The following PTPRN2 variants were observed in gnomAD, a reference collection of about 807,000 sequenced individuals.
The protein encoded by PTPRN2 is receptor-type tyrosine-protein phosphatase N2.
Under a neutral mutation model 118.8 loss-of-function variants are expected in PTPRN2, and 74 were observed. That is an observed-to-expected ratio of 0.62 (90% confidence interval 0.52 to 0.76). The LOEUF (loss-of-function observed/expected upper bound fraction) is 0.76, where lower values mean the gene tolerates loss of function less well. PTPRN2 is among the 30% of genes least tolerant of loss of function. The pLI is 0.00. For synonymous variants in PTPRN2, 641 were observed against 608.0 expected (o/e 1.05, Z -0.80); for missense variants, 1,481 against 1,394.4 (o/e 1.06, Z -0.99).
chr7:158,149,395 A>T (rs1820673492), intron 6 of PTPRN2, among the ~76,000 whole-genome samples: 1 of 152,130 alleles, frequency 6.6e-6, no homozygotes, highest in Non-Finnish European at 1.5e-5. Flanking sequence ...TTCAGTATAA[A>T]CTCTTAAAAC....
chr7:158,223,628 A>G (rs561800268), intron 3 of PTPRN2, among the ~76,000 whole-genome samples: 27 of 152,306 alleles, frequency 1.8e-4, no homozygotes, highest in South Asian at 1.7e-3. Flanking sequence ...TCATGAAGAA[A>G]ACTTTCAGAA....
chr7:157,984,260 A>C (rs1803552040), intron 11 of PTPRN2, among the ~76,000 whole-genome samples: 3 of 34,468 alleles, frequency 8.7e-5, no homozygotes, highest in Non-Finnish European at 1.7e-4. Context: ...TCCCCACGCC[A>C]GGCTCCACCC....
intron 12 of PTPRN2, among the ~76,000 whole-genome samples, chr7:157,894,876 G>A (rs1377411701): frequency 6.6e-6 from 1 of 152,206 alleles, no homozygotes; most frequent in Non-Finnish European, 1.5e-5. Context: ...ATTGAATGAA[G>A]CAGAAACTCC....
rs1001196069 is a variant in PTPRN2 at position 157,674,472 on chromosome 7, C to G, written c.2001+8253G>C. Among the ~76,000 whole-genome samples, 1 of 152,244 alleles carries G rather than the reference C, an allele frequency of 6.6e-6. No individual in the cohort carries two copies. Among genetic ancestry groups the G allele is most frequent in the Non-Finnish European group, 1.5e-5 (1 of 68,040 alleles). On this transcript the variant is annotated intron_variant, in intron 13 of 22. Transcript: ENST00000389418. The surrounding 1 kb of genome is among the most constrained non-coding windows in gnomAD (Gnocchi z 4.5). ...CTTTCTCCTCTTGTAACACCCAGCT[C>G]CTGCATGCCGTGGCGGCTCCAGCCA...
chr7:158,155,558 ATCATCATTG>A (rs1339232854), intron 6 of PTPRN2, among the ~76,000 whole-genome samples: 4 of 137,448 alleles, frequency 2.9e-5, no homozygotes, highest in Admixed American at 1.4e-4. Context: ...CAACACCATC[ATCATCATTG>A]CCATCATCAC....
intron 14 of PTPRN2, among the ~76,000 whole-genome samples, chr7:157,640,320 G>A (rs1211580032): frequency 6.6e-6 from 1 of 152,208 alleles, no homozygotes; most frequent in African/African-American, 2.4e-5. Context: ...GTTAGACACT[G>A]CTGAAGAGAA....
At chr7:158,056,510 G>C (rs1275174229) in intron 11 of PTPRN2, among the ~76,000 whole-genome samples, 11 of 152,196 alleles carry the variant, frequency 7.2e-5, no homozygotes, top group Admixed American at 7.2e-4. Flanking sequence ...ACATGTGCCT[G>C]GGTTTAGGAT....
At chr7:157,737,524 C>T (rs1482242837) in intron 12 of PTPRN2, among the ~76,000 whole-genome samples, 1 of 152,268 alleles carries the variant, frequency 6.6e-6, no homozygotes, top group African/African-American at 2.4e-5. Flanking sequence ...GAGGGCTGAG[C>T]TTCCCTGGTT....
chr7:157,713,150 G>A (rs914588108), intron 12 of PTPRN2, among the ~76,000 whole-genome samples: 1 of 152,214 alleles, frequency 6.6e-6, no homozygotes, highest in Non-Finnish European at 1.5e-5. Context: ...TCCATCTGAT[G>A]GTCGCACTTG....
chr7:157,951,325 C>A (rs138796779), intron 11 of PTPRN2, among the ~76,000 whole-genome samples: 2 of 152,178 alleles, frequency 1.3e-5, no homozygotes, highest in Admixed American at 1.3e-4. Context: ...AAAGGACACT[C>A]ACAACAATTA....
chr7:158,144,556 T>C (rs78469507), intron 6 of PTPRN2, among the ~76,000 whole-genome samples: 8,517 of 152,202 alleles, frequency 0.056, 800 homozygotes, highest in African/African-American at 0.19. Context: ...GGAGAATTGC[T>C]TGAACCTTGG....
chr7:158,472,225 A>T (rs1031963187), intron 2 of PTPRN2, among the ~76,000 whole-genome samples: 1 of 152,244 alleles, frequency 6.6e-6, no homozygotes, highest in Non-Finnish European at 1.5e-5. Context: ...GCAAAGAACG[A>T]TGAACCACCA....
At chr7:158,454,063 G>A (rs981656479) in intron 2 of PTPRN2, among the ~76,000 whole-genome samples, 16 of 136,736 alleles carry the variant, frequency 1.2e-4, no homozygotes, top group African/African-American at 3.6e-4. Flanking sequence ...AAGACACAAC[G>A]CACACAATCA....
intron 13 of PTPRN2, among the ~76,000 whole-genome samples, chr7:157,670,803 G>A (rs1240048084): frequency 6.6e-6 from 1 of 152,242 alleles, no homozygotes; most frequent in Non-Finnish European, 1.5e-5. Context: ...GCTGAACCTT[G>A]CTTTTCAGTT....
intron 1 of PTPRN2, among the ~76,000 whole-genome samples, chr7:158,507,129 G>C (rs1408944879): frequency 6.6e-6 from 1 of 152,230 alleles, no homozygotes; most frequent in Non-Finnish European, 1.5e-5. Context: ...GCATCCATGA[G>C]GATCTCTCAG....
At chr7:158,456,509 G>T in intron 2 of PTPRN2, among the ~76,000 whole-genome samples, 1 of 149,700 alleles carries the variant, frequency 6.7e-6, no homozygotes, top group South Asian at 2.2e-4. Flanking sequence ...TAACGGCACG[G>T]ATGCCATCGG....
At chr7:158,025,059 G>A (rs1467599459) in intron 11 of PTPRN2, among the ~76,000 whole-genome samples, 6 of 152,130 alleles carry the variant, frequency 3.9e-5, no homozygotes, top group Non-Finnish European at 7.3e-5. Flanking sequence ...GCAGTGACAG[G>A]TGCCCCGAGG....
intron 1 of PTPRN2, chr7:158,532,676 G>A (rs1825340128): frequency 3.8e-6 from 2 of 531,186 alleles, no homozygotes; most frequent in African/African-American, 3.9e-5. Context: ...GAACAGCATG[G>A]AACATGGCAA....
At chr7:158,322,175 G>A (rs953591021) in intron 2 of PTPRN2, among the ~76,000 whole-genome samples, 1 of 152,150 alleles carries the variant, frequency 6.6e-6, no homozygotes, top group Non-Finnish European at 1.5e-5. Flanking sequence ...CTCGTCCCAG[G>A]GAAGCCACAG....
Sources: gnomAD v4.1 joint callset for allele counts (sites outside exome capture counted in the v4.1 genomes callset) on GRCh38, gnomAD v4.1.1 for gene constraint, Gnocchi (gnomAD v3.1) non-coding constraint, MANE v1.5 for transcripts, NCBI Gene and HGNC (gene_info 2026-07-23, HGNC 2026-07-21) for gene names.